The following STEAP4 variants were observed in gnomAD, a reference collection of about 807,000 sequenced individuals.
STEAP4 encodes the protein metalloreductase STEAP4.
In STEAP4, 36 loss-of-function variants were observed where a neutral mutation model predicts 43.6. That is an observed-to-expected ratio of 0.83 (90% CI 0.63 to 1.09). The LOEUF (loss-of-function observed/expected upper bound fraction) is 1.09. STEAP4 is among the 50% of genes least tolerant of loss of function. STEAP4 has a pLI of 0.00. For missense variants in STEAP4, 495 were observed against 546.5 expected (o/e 0.91, Z 0.94); for synonymous variants, 191 against 196.7 (o/e 0.97, Z 0.24).
chr7:88,283,755 C>T, intron 2 of STEAP4, 59 bp downstream of exon 2: 20 of 1,494,972 alleles, frequency 1.3e-5, no homozygotes, highest in Non-Finnish European at 1.8e-5. Context: ...ATCTTTGAGG[C>T]AAGTGCACAT....
chr7:88,272,645 A>G lies in STEAP4; in HGVS notation c.*6753T>C, dbSNP rs930576544. 2.6e-5 allele frequency: 4 copies of G among 152,346 alleles called. No homozygotes were observed. Among genetic ancestry groups the G allele is most frequent in the African/African-American group, 9.6e-5 (4 of 41,566 alleles). 9.4% of individuals were successfully genotyped at this position (152,346 alleles called of 1,614,324 possible). ...TATGGCAATTTGATGTTGCCATCAC[A>G]TTTAAGGGTGTGATTTTGTGTTTTA... On this transcript the variant is annotated 3_prime_UTR_variant, in exon 5 of 5. Transcript: ENST00000380079.
At chr7:88,289,474 G>A (rs1852800029) in intron 1 of STEAP4, among the ~76,000 whole-genome samples, 1 of 152,164 alleles carries the variant, frequency 6.6e-6, no homozygotes, top group Non-Finnish European at 1.5e-5. Context: ...AGTGTATGTA[G>A]AGTTTGCACC....
intron 1 of STEAP4, among the ~76,000 whole-genome samples, chr7:88,300,834 A>T (rs369282940): frequency 4.6e-5 from 7 of 152,154 alleles, no homozygotes; most frequent in East Asian, 1.9e-4. Context: ...ATCTGAGCAT[A>T]AATCTATTTT....
At chr7:88,292,079 ATG>A (rs746200985) in intron 1 of STEAP4, 4 of 152,334 alleles carry the variant, frequency 2.6e-5, no homozygotes, top group Non-Finnish European at 5.9e-5. Flanking sequence ...CTGAGAAACC[ATG>A]TGTGTGTGTG....
rs748278070 is a variant in STEAP4, at chr7:88,282,719, G to T, written c.906C>A (p.Phe302Leu). The change falls in exon 3 of 5, where the codon TTC becomes TTA. Residue 302 changes from phenylalanine to leucine, a missense_variant. Transcript: ENST00000380079. ...TCACAAGTGTGTAGAGGACATGAAG[G>T]AAGGCAAATCCCAGAGCTACCAAGC... ...QLGLVALGFA[F>L]LHVLYTLVIP... 6 of 1,614,056 alleles carry T rather than the reference G, an allele frequency of 3.7e-6. No homozygotes were observed. The highest frequency in any genetic ancestry group is 5.1e-6 in the Non-Finnish European group (6 of 1,180,010).
intron 1 of STEAP4, among the ~76,000 whole-genome samples, chr7:88,289,070 GTGTGTGTGTGTA>G (rs1205200412): frequency 2.6e-5 from 4 of 151,996 alleles, no homozygotes; most frequent in South Asian, 2.1e-4. Context: ...GCGTGTGTGT[GTGTGTGTGTGTA>G]TGTGTGTGTG....
rs902721557 is a variant in STEAP4, at chr7:88,272,910, C to T, written c.*6488G>A. Reference sequence around the variant, plus strand: ...ATACTCCATCATGAGAAGAGTTAAGCCTGTAGAAGGCTAGCTATAACAGAC... The same window carrying T: ...ATACTCCATCATGAGAAGAGTTAAGTCTGTAGAAGGCTAGCTATAACAGAC... On this transcript the variant is annotated 3_prime_UTR_variant, in exon 5 of 5. Transcript: ENST00000380079. 1.3e-5 allele frequency: 2 copies of T among 152,124 alleles called. No individual in the cohort carries two copies. The highest frequency in any genetic ancestry group is 1.5e-5 in the Non-Finnish European group (1 of 68,026). 9.4% of individuals were successfully genotyped at this position (152,124 alleles called of 1,614,324 possible). A position where few individuals can be genotyped will look rare whatever the true frequency, so the allele number is the denominator to read the frequency against.
At chr7:88,290,052 A>G (rs1178724145) in intron 1 of STEAP4, among the ~76,000 whole-genome samples, 2 of 152,164 alleles carry the variant, frequency 1.3e-5, no homozygotes, top group Admixed American at 6.5e-5. Flanking sequence ...TCTCTCTTTC[A>G]TACTGGATGA....
intron 1 of STEAP4, among the ~76,000 whole-genome samples, chr7:88,299,571 T>C (rs1852994335): frequency 6.6e-6 from 1 of 152,238 alleles, no homozygotes; most frequent in Non-Finnish European, 1.5e-5. Flanking sequence ...ACATACTACA[T>C]AAGCATTTGC....
intron 1 of STEAP4, among the ~76,000 whole-genome samples, chr7:88,285,745 A>C (rs1393964457): frequency 6.9e-6 from 1 of 144,886 alleles, no homozygotes; most frequent in East Asian, 2.0e-4. Context: ...CGACAGAGAG[A>C]GACTTTGTCT....
At chr7:88,283,402 AT>A in intron 2 of STEAP4, 1 of 508,328 alleles carries the variant, frequency 2.0e-6, no homozygotes, top group Middle Eastern at 5.1e-4. Context: ...CATCACACTT[AT>A]AAAAGACATG....
intron 1 of STEAP4, among the ~76,000 whole-genome samples, chr7:88,306,527 GAATCT>G (rs1456195728): frequency 6.6e-6 from 1 of 152,252 alleles, no homozygotes; most frequent in Non-Finnish European, 1.5e-5. Context: ...ATGCAGAGAA[GAATCT>G]AACCCCTTAA....
chr7:88,291,544 G>A (rs1197245536), intron 1 of STEAP4, among the ~76,000 whole-genome samples: 1 of 151,016 alleles, frequency 6.6e-6, no homozygotes, highest in Admixed American at 6.6e-5. Flanking sequence ...TCAACCACAA[G>A]GGAGATCAAG....
intron 1 of STEAP4, among the ~76,000 whole-genome samples, chr7:88,288,112 AT>A (rs760242573): frequency 3.9e-5 from 6 of 152,348 alleles, no homozygotes; most frequent in East Asian, 3.9e-4. Context: ...AAAGAAAAAA[AT>A]AAATTTATAC....
At chr7:88,288,499 G>T (rs1011580454) in intron 1 of STEAP4, among the ~76,000 whole-genome samples, 3 of 152,112 alleles carry the variant, frequency 2.0e-5, no homozygotes, top group African/African-American at 7.2e-5. Context: ...AATGAAACTA[G>T]AACAGAACTA....
intron 1 of STEAP4, among the ~76,000 whole-genome samples, chr7:88,287,574 G>A (rs910364686): frequency 6.6e-6 from 1 of 152,128 alleles, no homozygotes; most frequent in Non-Finnish European, 1.5e-5. Flanking sequence ...ATTAAAATAG[G>A]AGCTCGAAAG....
intron 1 of STEAP4, among the ~76,000 whole-genome samples, chr7:88,287,702 A>G (rs1852760366): frequency 6.6e-6 from 1 of 152,174 alleles, no homozygotes; most frequent in Non-Finnish European, 1.5e-5. Context: ...GGGTCTGCAA[A>G]ATATCTCAAG....
chr7:88,301,418 A>G (rs1389181236), intron 1 of STEAP4, among the ~76,000 whole-genome samples: 2 of 152,104 alleles, frequency 1.3e-5, no homozygotes, highest in African/African-American at 4.8e-5. Context: ...GACTACATGT[A>G]TGCACTACTA....
chr7:88,303,266 C>T (rs1289802682), intron 1 of STEAP4, among the ~76,000 whole-genome samples: 2 of 150,548 alleles, frequency 1.3e-5, no homozygotes, highest in African/African-American at 2.4e-5. Context: ...TAGGCCAAGG[C>T]GGATGGATCA....
Sources: gnomAD v4.1 joint callset for allele counts (sites outside exome capture counted in the v4.1 genomes callset) on GRCh38, gnomAD v4.1.1 for gene constraint, MANE v1.5 for transcripts, NCBI Gene and HGNC (gene_info 2026-07-23, HGNC 2026-07-21) for gene names.